The following MAGI1 variants were observed in gnomAD, a reference collection of about 807,000 sequenced individuals.
MAGI1 encodes membrane-associated guanylate kinase, WW and PDZ domain-containing protein 1.
A neutral mutation model predicts 139.9 loss-of-function variants in MAGI1; 58 were observed. The observed-to-expected ratio is 0.41, with a 90% CI of 0.34 to 0.52. MAGI1 has a LOEUF of 0.52. MAGI1 is among the 20% of genes least tolerant of loss of function. MAGI1 has a pLI of 0.12. For missense variants in MAGI1, 1,874 were observed against 1,901.6 expected (o/e 0.99, Z 0.27); for synonymous variants, 812 against 737.9 (o/e 1.10, Z -1.63).
chr3:65,701,207 A>G (rs1277535207), intron 1 of MAGI1, among the ~76,000 whole-genome samples: 1 of 152,226 alleles, frequency 6.6e-6, no homozygotes, highest in Non-Finnish European at 1.5e-5. Context: ...TGATGTACCA[A>G]TAGATTATCT....
intron 1 of MAGI1, among the ~76,000 whole-genome samples, chr3:65,947,938 C>CTT (rs763826259): frequency 1.6e-3 from 203 of 127,840 alleles, no homozygotes; most frequent in African/African-American, 3.6e-3. Flanking sequence ...ATATCTTTCT[C>CTT]TTTTTTTTTT....
chr3:65,549,348 T>C, intron 2 of MAGI1: 1 of 832,510 alleles, frequency 1.2e-6, no homozygotes, highest in Non-Finnish European at 1.4e-6. Flanking sequence ...CCTCCCTTCC[T>C]AACCCCCTCC....
At chr3:65,743,740 A>G (rs2035466697) in intron 1 of MAGI1, among the ~76,000 whole-genome samples, 1 of 151,892 alleles carries the variant, frequency 6.6e-6, no homozygotes, top group East Asian at 1.9e-4. Context: ...AGAAAAGTCT[A>G]TTCGTGTCAC....
intron 1 of MAGI1, among the ~76,000 whole-genome samples, chr3:65,798,038 G>A (rs186664600): frequency 6.6e-6 from 1 of 152,250 alleles, no homozygotes; most frequent in East Asian, 1.9e-4. Flanking sequence ...TGGTGCAGTG[G>A]CTCACACCTG....
At chr3:65,993,957 A>G (rs1576393124) in intron 1 of MAGI1, among the ~76,000 whole-genome samples, 1 of 152,114 alleles carries the variant, frequency 6.6e-6, no homozygotes. Context: ...AGAGAGGACA[A>G]CCCACAGCCA....
At chr3:65,382,745 T>C (rs1169873255) in intron 15 of MAGI1, among the ~76,000 whole-genome samples, 1 of 152,188 alleles carries the variant, frequency 6.6e-6, no homozygotes, top group African/African-American at 2.4e-5. Flanking sequence ...TCAGACCTTA[T>C]TTGTCAGTCC....
At chr3:65,646,229 A>G (rs1389516796) in intron 1 of MAGI1, among the ~76,000 whole-genome samples, 1 of 152,142 alleles carries the variant, frequency 6.6e-6, no homozygotes, top group Non-Finnish European at 1.5e-5. Flanking sequence ...AACATTAATG[A>G]AAATAAAATA....
chr3:65,450,329 T>C (rs1948954116), intron 6 of MAGI1, among the ~76,000 whole-genome samples: 1 of 152,080 alleles, frequency 6.6e-6, no homozygotes, highest in Non-Finnish European at 1.5e-5. Flanking sequence ...AAAGAGTCTG[T>C]ATGGGAGATG....
chr3:65,817,868 T>G (rs2041703989), intron 1 of MAGI1, among the ~76,000 whole-genome samples: 1 of 152,112 alleles, frequency 6.6e-6, no homozygotes, highest in African/African-American at 2.4e-5. Flanking sequence ...GACACAATGG[T>G]CTAATAAAAA....
chr3:65,681,325 G>T (rs778939691), intron 1 of MAGI1, among the ~76,000 whole-genome samples: 1 of 152,044 alleles, frequency 6.6e-6, no homozygotes, highest in Non-Finnish European at 1.5e-5. Context: ...AATAAGCTAC[G>T]CCCATAATTC....
chr3:65,509,075 A>G (rs1055031105), intron 2 of MAGI1, among the ~76,000 whole-genome samples: 1 of 152,220 alleles, frequency 6.6e-6, no homozygotes, highest in African/African-American at 2.4e-5. Context: ...TCTAGCAGTT[A>G]GGCTCTCATT....
chr3:65,894,356 A>G (rs1417861025), intron 1 of MAGI1, among the ~76,000 whole-genome samples: 1 of 152,222 alleles, frequency 6.6e-6, no homozygotes, highest in Non-Finnish European at 1.5e-5. Flanking sequence ...CCATTACATC[A>G]TATTTATAAA....
chr3:65,876,105 T>C (rs1052102494), intron 1 of MAGI1, among the ~76,000 whole-genome samples: 3 of 148,336 alleles, frequency 2.0e-5, no homozygotes, highest in Admixed American at 6.8e-5. Flanking sequence ...GAATTAGAGA[T>C]GAGGATGAAG....
chr3:65,867,277 T>C (rs2108469156), intron 1 of MAGI1, among the ~76,000 whole-genome samples: 1 of 151,600 alleles, frequency 6.6e-6, no homozygotes, highest in South Asian at 2.1e-4. Context: ...GGCCAGGGGG[T>C]CCCTGAGGGA....
chr3:65,669,102 A>C (rs1241251414), intron 1 of MAGI1, among the ~76,000 whole-genome samples: 1 of 151,488 alleles, frequency 6.6e-6, no homozygotes, highest in Non-Finnish European at 1.5e-5. Context: ...AAGCCTGGCT[A>C]ATTTTTGTAT....
chr3:65,413,318 A>G (rs1283486257), intron 12 of MAGI1, among the ~76,000 whole-genome samples: 2 of 152,228 alleles, frequency 1.3e-5, no homozygotes, highest in Non-Finnish European at 2.9e-5. Flanking sequence ...CTTTACTCCA[A>G]TATCTTAAAT....
chr3:65,363,875 G>C (rs561301831), intron 20 of MAGI1, among the ~76,000 whole-genome samples: 152 of 152,218 alleles, frequency 1.0e-3, no homozygotes, highest in African/African-American at 3.5e-3. Flanking sequence ...TTTGGGGAAG[G>C]ACAATTCCTC....
chr3:65,986,683 G>C (rs11926829), intron 1 of MAGI1, among the ~76,000 whole-genome samples: 17,629 of 152,036 alleles, frequency 0.12, 1,437 homozygotes, highest in African/African-American at 0.23. Context: ...TTGAAATGTC[G>C]TCTGGCACCT....
At chr3:65,378,683 C>CT (rs10557893) in intron 17 of MAGI1, among the ~76,000 whole-genome samples, 1,411 of 140,644 alleles carry the variant, frequency 0.01, 14 homozygotes, top group Non-Finnish European at 0.013. Flanking sequence ...CTTTCCTTTT[C>CT]TTTTTTTTTT....
Sources: gnomAD v4.1 joint callset for allele counts (sites outside exome capture counted in the v4.1 genomes callset) on GRCh38, gnomAD v4.1.1 for gene constraint, MANE v1.5 for transcripts, NCBI Gene and HGNC (gene_info 2026-07-23, HGNC 2026-07-21) for gene names.